The following ATL2 variants were observed in gnomAD, a reference collection of about 807,000 sequenced individuals.
The protein encoded by ATL2 is atlastin-2.
A neutral mutation model predicts 73.9 loss-of-function variants in ATL2; 31 were observed. The observed-to-expected ratio is 0.42, with a 90% CI of 0.32 to 0.57. The LOEUF is 0.57. ATL2 is among the 20% of genes least tolerant of loss of function. The pLI, the probability that ATL2 is intolerant of heterozygous loss-of-function variation, is 0.14. For synonymous variants in ATL2, 291 were observed against 237.5 expected (o/e 1.23, Z -2.07); for missense variants, 738 against 702.6 (o/e 1.05, Z -0.57).
intron 1 of ATL2, among the ~76,000 whole-genome samples, chr2:38,363,028 G>C (rs1367908782): frequency 2.6e-5 from 4 of 152,198 alleles, no homozygotes; most frequent in Non-Finnish European, 5.9e-5. Context: ...CTACAGAAGA[G>C]TGAAAAACAC....
At chr2:38,303,351 G>A (rs181440826) in intron 9 of ATL2, among the ~76,000 whole-genome samples, 7 of 152,048 alleles carry the variant, frequency 4.6e-5, no homozygotes, top group East Asian at 3.9e-4. Flanking sequence ...GACTACACGC[G>A]TGCGCCATCA....
intron 2 of ATL2, among the ~76,000 whole-genome samples, chr2:38,342,619 G>C (rs1482639639): frequency 6.6e-6 from 1 of 152,128 alleles, no homozygotes; most frequent in Non-Finnish European, 1.5e-5. Context: ...ACTTGTTTGA[G>C]GAACACAGAT....
chr2:38,325,078 C>T (rs901046669), intron 2 of ATL2, among the ~76,000 whole-genome samples: 3 of 152,166 alleles, frequency 2.0e-5, no homozygotes, highest in African/African-American at 7.2e-5. Flanking sequence ...AAAAGTTGCC[C>T]TTGAGGGCTA....
intron 7 of ATL2, 55 bp from the exon 8 acceptor site, chr2:38,310,502 A>T: frequency 1.3e-6 from 2 of 1,498,898 alleles, no homozygotes; most frequent in Non-Finnish European, 1.8e-6. Context: ...AAATTTTTTT[A>T]AAGAAAATGC....
At chr2:38,313,004 CA>C in intron 7 of ATL2, 146 bp downstream of exon 7, 1 of 570,898 alleles carries the variant, frequency 1.8e-6, no homozygotes, top group Non-Finnish European at 3.1e-6. Flanking sequence ...TACTTTTCAT[CA>C]ATTACAAACA....
chr2:38,334,932 T>TAATATATAAATATATTTATATATTAC (rs1669262588), intron 2 of ATL2, among the ~76,000 whole-genome samples: 1 of 136,740 alleles, frequency 7.3e-6, no homozygotes, highest in African/African-American at 2.6e-5. Flanking sequence ...TTATATATTA[T>TAATATATAAATATATTTATATATTAC]AATATATAAC....
At chr2:38,304,062 G>C (rs1224460579) in intron 9 of ATL2, among the ~76,000 whole-genome samples, 1 of 152,126 alleles carries the variant, frequency 6.6e-6, no homozygotes, top group East Asian at 1.9e-4. Context: ...CCAGGAGTTG[G>C]AGACCAGCCT....
At chr2:38,318,336 G>A in intron 4 of ATL2, 199 bp downstream of exon 4, 2 of 387,140 alleles carry the variant, frequency 5.2e-6, no homozygotes, top group East Asian at 3.9e-5. Flanking sequence ...AAAATTAGCT[G>A]GGCATGGTGG....
At chr2:38,336,051 A>T (rs1669342003) in intron 2 of ATL2, among the ~76,000 whole-genome samples, 1 of 152,228 alleles carries the variant, frequency 6.6e-6, no homozygotes, top group Admixed American at 6.5e-5. Context: ...AAATAAAAAT[A>T]AAAAGACCCA....
rs61734830 is a variant in ATL2, at chr2:38,299,278, G to A, written c.1178C>T (p.Thr393Ile). 2.5e-4 allele frequency: 378 copies of A among 1,515,438 alleles called. 2 individuals are homozygous for A. The African/African-American group carries it at 4.9e-3, about 20-fold the overall frequency. 93.9% of individuals were successfully genotyped at this position (1,515,438 alleles called of 1,614,324 possible). A position where few individuals can be genotyped will look rare whatever the true frequency, so the allele number is the denominator to read the frequency against. ...NLAAVAGARD[T>I]YCKSMEQVCG... ...AACCTGTTCCATACTTTTACAATAGGTATCTCTTGCTCCTGCTACTGCAGC... is the reference window on the plus strand; with the variant it reads ...AACCTGTTCCATACTTTTACAATAGATATCTCTTGCTCCTGCTACTGCAGC... The change falls in exon 11 of 13, where the codon ACC becomes ATC. Residue 393 changes from threonine (T) to isoleucine (I), a missense_variant. Coordinates refer to ENST00000378954, the MANE Select transcript of ATL2 (RefSeq NM_001135673.4).
At chr2:38,349,445 T>C (rs1221565690) in intron 1 of ATL2, among the ~76,000 whole-genome samples, 1 of 142,982 alleles carries the variant, frequency 7.0e-6, no homozygotes. Context: ...ACACCGCATG[T>C]TCTCACTCAT....
chr2:38,319,683 A>T (rs1668215624), intron 2 of ATL2, among the ~76,000 whole-genome samples: 1 of 152,158 alleles, frequency 6.6e-6, no homozygotes, highest in South Asian at 2.1e-4. Flanking sequence ...ACTCGGCACC[A>T]ATTATTTTAA....
intron 1 of ATL2, among the ~76,000 whole-genome samples, chr2:38,366,688 C>T (rs182549515): frequency 2.3e-4 from 35 of 152,282 alleles, no homozygotes; most frequent in African/African-American, 7.7e-4. Flanking sequence ...ACTTAACTCA[C>T]AAATATGCAT....
intron 7 of ATL2, among the ~76,000 whole-genome samples, chr2:38,310,739 G>C (rs1373635357): frequency 6.6e-6 from 1 of 150,620 alleles, no homozygotes; most frequent in East Asian, 2.0e-4. Context: ...CCAGGTTCAA[G>C]TGATTCTCCT....
At chr2:38,314,073 G>C (rs1428652380) in intron 6 of ATL2, among the ~76,000 whole-genome samples, 2 of 152,094 alleles carry the variant, frequency 1.3e-5, no homozygotes, top group Non-Finnish European at 1.5e-5. Flanking sequence ...ATACCGGAAA[G>C]GCTTCACACA....
At chr2:38,352,133 C>CA (rs778821586) in intron 1 of ATL2, among the ~76,000 whole-genome samples, 825 of 31,902 alleles carry the variant, frequency 0.026, 64 homozygotes, top group African/African-American at 0.038. Flanking sequence ...AAACAACAAC[C>CA]AAAAAAAAAA....
At chr2:38,350,948 A>C (rs1201846824) in intron 1 of ATL2, among the ~76,000 whole-genome samples, 2 of 152,236 alleles carry the variant, frequency 1.3e-5, no homozygotes, top group Non-Finnish European at 1.5e-5. Flanking sequence ...ATAATAAAAA[A>C]GTGCTACAAA....
intron 1 of ATL2, among the ~76,000 whole-genome samples, chr2:38,368,757 T>C (rs2121896): frequency 6.6e-6 from 1 of 151,876 alleles, no homozygotes; most frequent in Non-Finnish European, 1.5e-5. Flanking sequence ...ATAAAAGAAA[T>C]ACTGGGAAAT....
intron 2 of ATL2, among the ~76,000 whole-genome samples, chr2:38,323,738 G>T (rs1358136386): frequency 6.6e-6 from 1 of 151,972 alleles, no homozygotes; most frequent in Admixed American, 6.6e-5. Flanking sequence ...ACACAGACAG[G>T]GTCTTGCTCT....
Sources: allele counts gnomAD v4.1 joint callset (sites outside exome capture counted in the v4.1 genomes callset), GRCh38; gene constraint gnomAD v4.1.1; transcripts MANE v1.5; gene names NCBI Gene and HGNC (gene_info 2026-07-23, HGNC 2026-07-21).